DLGAP2: variants seen among roughly 807,000 people sequenced by gnomAD.
The protein encoded by DLGAP2 is DLG associated protein 2, also known as disks large-associated protein 2.
In DLGAP2, 26 loss-of-function variants were observed where a neutral mutation model predicts 100.3. The observed-to-expected ratio is 0.26, with a 90% CI of 0.19 to 0.36. The LOEUF (loss-of-function observed/expected upper bound fraction) is 0.36. Ranked by LOEUF, DLGAP2 falls within the 10% of genes least tolerant of loss-of-function variation. The pLI, the probability that DLGAP2 is intolerant of heterozygous loss-of-function variation, is 1.00. For synonymous variants in DLGAP2, 886 were observed against 630.1 expected (o/e 1.41, Z -6.08); for missense variants, 1,858 against 1,453.2 (o/e 1.28, Z -4.53).
chr8:1,053,564 T>C (rs1301636371), intron 2 of DLGAP2, among the ~76,000 whole-genome samples: 1 of 151,838 alleles, frequency 6.6e-6, no homozygotes, highest in Non-Finnish European at 1.5e-5. Flanking sequence ...GACGCGTGAG[T>C]GATGAAGACT....
intron 4 of DLGAP2, among the ~76,000 whole-genome samples, chr8:1,502,109 C>G (rs1486660867): frequency 6.6e-6 from 1 of 152,206 alleles, no homozygotes; most frequent in East Asian, 1.9e-4. Flanking sequence ...CAAACCACAG[C>G]TGAAGACGGA....
chr8:1,205,460 C>T (rs988267685), intron 2 of DLGAP2, among the ~76,000 whole-genome samples: 2 of 152,174 alleles, frequency 1.3e-5, no homozygotes, highest in East Asian at 1.9e-4. Flanking sequence ...GACGTCACAG[C>T]CTCAAAAGCT....
chr8:967,798 C>T (rs752246674), intron 2 of DLGAP2, among the ~76,000 whole-genome samples: 2 of 51,408 alleles, frequency 3.9e-5, no homozygotes, highest in African/African-American at 8.1e-5. Flanking sequence ...TATATATACA[C>T]CTCTTTGTTG....
chr8:815,579 C>T (rs1796460963), intron 1 of DLGAP2, among the ~76,000 whole-genome samples: 1 of 152,050 alleles, frequency 6.6e-6, no homozygotes, highest in African/African-American at 2.4e-5. Context: ...TTCACTGTGT[C>T]CAGGATAACA....
At chr8:1,428,828 C>A (rs1797316435) in intron 3 of DLGAP2, among the ~76,000 whole-genome samples, 4 of 152,222 alleles carry the variant, frequency 2.6e-5, no homozygotes, top group Admixed American at 2.0e-4. Flanking sequence ...TAAACAAAAT[C>A]TGGCATGCAC....
In DLGAP2 at chr8:1,088,782, A is replaced by G. The variant is rs1339713733; in HGVS notation, c.74-170069A>G. Among the ~76,000 whole-genome samples, 8 of 116,354 alleles carry G rather than the reference A, an allele frequency of 6.9e-5. No homozygotes were observed. The East Asian group carries it at 1.4e-3, about 20-fold the overall frequency. The allele number at this position is 116,354 out of a possible 152,430, so 76.3% of individuals were successfully genotyped here. A position where few individuals can be genotyped will look rare whatever the true frequency, so the allele number is the denominator to read the frequency against. On this transcript the variant is annotated intron_variant, in intron 2 of 14. Coordinates refer to ENST00000637795, the MANE Select transcript of DLGAP2 (RefSeq NM_001346810.2). Reference sequence around the variant, plus strand: ...CACCCCTCATCCAGCAGGCTATGCAATTCTCACTCCCCCCACCCCACTCTC... The same window carrying G: ...CACCCCTCATCCAGCAGGCTATGCAGTTCTCACTCCCCCCACCCCACTCTC...
intron 2 of DLGAP2, among the ~76,000 whole-genome samples, chr8:1,057,033 A>C (rs540750814): frequency 6.6e-6 from 1 of 152,370 alleles, no homozygotes; most frequent in Admixed American, 6.5e-5. Context: ...GACCCACCAG[A>C]ATAATCCACA....
intron 3 of DLGAP2, among the ~76,000 whole-genome samples, chr8:1,360,992 C>T (rs976843639): frequency 3.9e-5 from 6 of 152,198 alleles, no homozygotes; most frequent in Admixed American, 3.3e-4. Context: ...GAAAAAGTTT[C>T]CAGGCTTAAA....
chr8:1,264,054 A>T (rs765213431), intron 3 of DLGAP2, among the ~76,000 whole-genome samples: 2 of 152,194 alleles, frequency 1.3e-5, no homozygotes, highest in East Asian at 1.9e-4. Context: ...CTCCTCTCTT[A>T]GTCTAGATGG....
intron 2 of DLGAP2, among the ~76,000 whole-genome samples, chr8:1,063,437 G>A (rs919178685): frequency 2.0e-5 from 3 of 152,092 alleles, no homozygotes; most frequent in African/African-American, 4.8e-5. Context: ...AACAAGTGAC[G>A]GGCACCTGTG....
chr8:1,031,384 A>G (rs1801967498), intron 2 of DLGAP2, among the ~76,000 whole-genome samples: 1 of 150,910 alleles, frequency 6.6e-6, no homozygotes, highest in African/African-American at 2.4e-5. Flanking sequence ...GATTTCTTGC[A>G]CTTTATTTTT....
chr8:1,362,399 C>G (rs1161620429), intron 3 of DLGAP2, among the ~76,000 whole-genome samples: 1 of 139,268 alleles, frequency 7.2e-6, no homozygotes, highest in African/African-American at 3.1e-5. Flanking sequence ...ATGTCCCATG[C>G]GGACAGCAGT....
chr8:1,339,309 CG>C (rs1801366114), intron 3 of DLGAP2, among the ~76,000 whole-genome samples: 1 of 136,794 alleles, frequency 7.3e-6, no homozygotes, highest in South Asian at 2.5e-4. Flanking sequence ...CATCAGGACC[CG>C]GGAGGGAATG....
chr8:1,554,304 T>TTAAA (rs67432825), intron 5 of DLGAP2, among the ~76,000 whole-genome samples: 1,889 of 150,464 alleles, frequency 0.013, 41 homozygotes, highest in African/African-American at 0.044. Flanking sequence ...AATAAATTAA[T>TTAAA]TAAATAAATA....
chr8:1,457,229 C>G (rs1798340116), intron 3 of DLGAP2, among the ~76,000 whole-genome samples: 1 of 152,142 alleles, frequency 6.6e-6, no homozygotes, highest in Non-Finnish European at 1.5e-5. Context: ...TACATTTTTA[C>G]AAGATCTAAC....
chr8:1,177,436 C>G (rs1797284968), intron 2 of DLGAP2, among the ~76,000 whole-genome samples: 1 of 152,112 alleles, frequency 6.6e-6, no homozygotes, highest in African/African-American at 2.4e-5. Flanking sequence ...GACTTTCCCA[C>G]CATCTTTGGG....
intron 3 of DLGAP2, among the ~76,000 whole-genome samples, chr8:1,408,609 T>C (rs1347929040): frequency 6.6e-6 from 1 of 152,178 alleles, no homozygotes; most frequent in Non-Finnish European, 1.5e-5. Flanking sequence ...CTAAGCCTGT[T>C]TTCTGGAGCA....
intron 3 of DLGAP2, among the ~76,000 whole-genome samples, chr8:1,282,323 G>A (rs1421155421): frequency 1.4e-5 from 2 of 147,972 alleles, no homozygotes; most frequent in African/African-American, 2.5e-5. Context: ...CGGACGTGGT[G>A]TGACCTGAAC....
At chr8:874,879 T>C (rs974038389) in intron 1 of DLGAP2, among the ~76,000 whole-genome samples, 9 of 152,206 alleles carry the variant, frequency 5.9e-5, no homozygotes, top group African/African-American at 2.2e-4. Context: ...CATGTTTTGG[T>C]GCTCTGTTGT....
Sources: allele counts gnomAD v4.1 joint callset (sites outside exome capture counted in the v4.1 genomes callset), GRCh38; gene constraint gnomAD v4.1.1; transcripts MANE v1.5; gene names NCBI Gene and HGNC (gene_info 2026-07-23, HGNC 2026-07-21).